The following DOCK4 variants were observed in gnomAD, a reference collection of about 807,000 sequenced individuals.
DOCK4 encodes the protein dedicator of cytokinesis 4, also known as dedicator of cytokinesis protein 4.
Under a neutral mutation model 268.1 loss-of-function variants are expected in DOCK4, and 97 were observed. The ratio of observed to expected loss-of-function variants is 0.36; its 90% CI spans 0.31 to 0.43. DOCK4 has a LOEUF of 0.43. Among genes scored for constraint, DOCK4 ranks in the 20% least tolerant of loss-of-function variants. The pLI is 1.00. For missense variants in DOCK4, 2,145 were observed against 2,455.7 expected, an observed-to-expected ratio of 0.87 and a Z score of 2.67; for synonymous variants, 954 against 887.2, an observed-to-expected ratio of 1.08 and a Z score of -1.34.
chr7:111,915,904 C>A lies in DOCK4; in HGVS notation c.1067G>T (p.Gly356Val). The A allele has an allele frequency of 6.2e-7, 1 of 1,609,932 alleles. No individual in the cohort carries two copies. The highest frequency in any genetic ancestry group is 8.5e-7 in the Non-Finnish European group (1 of 1,178,212). Residue 356 changes from glycine to valine, a missense_variant and splice_region_variant, in exon 13 of 53, where the codon GGT becomes GTT. Gly to Val is a moderately radical substitution (Grantham distance 109, BLOSUM62 -3). Coordinates refer to ENST00000428084, the MANE Select transcript of DOCK4 (RefSeq NM_001363540.2). ...CAATAGCTGTAAGGAAACTGCTAAA[C>A]CTAAAACAGATGAGAGATACCCGAG... is the stretch of plus-strand genomic sequence containing the variant. ...ARYNLTGSNA[G>V]LAVSLQLLHG... is the part of the protein sequence containing the mutation.
chr7:112,128,418 GC>G (rs1813457968), intron 1 of DOCK4, among the ~76,000 whole-genome samples: 1 of 152,184 alleles, frequency 6.6e-6, no homozygotes, highest in African/African-American at 2.4e-5. Context: ...TGGGAGGTGT[GC>G]CCAACAGCTC....
chr7:111,970,494 A>G (rs1451107327), intron 8 of DOCK4, among the ~76,000 whole-genome samples: 1 of 152,196 alleles, frequency 6.6e-6, no homozygotes, highest in African/African-American at 2.4e-5. Flanking sequence ...AATGAATGTA[A>G]TAAAATTACA....
At chr7:112,145,964 T>C (rs1177577723) in intron 1 of DOCK4, among the ~76,000 whole-genome samples, 1 of 152,186 alleles carries the variant, frequency 6.6e-6, no homozygotes, top group Non-Finnish European at 1.5e-5. Context: ...ATATGTTTGT[T>C]TGTGATATAG....
chr7:112,180,948 A>G (rs75190513), intron 1 of DOCK4, among the ~76,000 whole-genome samples: 5,481 of 152,258 alleles, frequency 0.036, 325 homozygotes, highest in African/African-American at 0.12. Context: ...TTTGGAAGAC[A>G]TTTCTTAATT....
chr7:111,867,983 C>A lies in DOCK4; in HGVS notation c.2280+1G>T. The A allele has an allele frequency of 1.3e-6, 2 of 1,589,536 alleles. No homozygotes were observed. Among genetic ancestry groups the A allele is most frequent in the Non-Finnish European group, 1.7e-6 (2 of 1,170,400 alleles). ...ATTCAGCATAGATGAAAAGAAATTACCTGTGACTGAGATAATGCTCCAGAC... is the reference window on the plus strand; with the variant it reads ...ATTCAGCATAGATGAAAAGAAATTAACTGTGACTGAGATAATGCTCCAGAC... On this transcript the variant is annotated splice_donor_variant, in intron 22 of 52. Transcript: ENST00000428084. LOFTEE classifies it high-confidence loss of function.
chr7:111,920,398 T>C (rs576206814), intron 12 of DOCK4, among the ~76,000 whole-genome samples: 2 of 152,306 alleles, frequency 1.3e-5, no homozygotes, highest in South Asian at 2.1e-4. Flanking sequence ...GCCATAAATA[T>C]GTACAATTTT....
In DOCK4 at chr7:111,735,076, G is replaced by T; in HGVS notation, c.5397C>A (p.Val1799=). ...SDSGKLISPP[V]PPRPTQTASP... ...CACCAGTCTGTGTGGGTCTTGGAGGGACAGGGGGAGAGATAAGTTTCCCAC... is the reference window on the plus strand; with the variant it reads ...CACCAGTCTGTGTGGGTCTTGGAGGTACAGGGGGAGAGATAAGTTTCCCAC... The change falls in exon 51 of 53, where the codon GTC becomes GTA. Residue 1799 remains valine (V), a synonymous_variant. Transcript: ENST00000428084. 6.3e-7 allele frequency: 1 copy of T among 1,596,190 alleles called. No homozygotes were observed. The highest frequency in any genetic ancestry group is 2.2e-5 in the East Asian group (1 of 44,450).
intron 44 of DOCK4, 125 bp downstream of exon 44, chr7:111,746,209 A>G: frequency 1.5e-6 from 1 of 669,690 alleles, no homozygotes; most frequent in Non-Finnish European, 2.5e-6. Flanking sequence ...TATTACAGGA[A>G]TCTGTCACCC....
intron 1 of DOCK4, among the ~76,000 whole-genome samples, chr7:112,116,100 T>G (rs1812137119): frequency 6.6e-6 from 1 of 152,132 alleles, no homozygotes; most frequent in Non-Finnish European, 1.5e-5. Flanking sequence ...CATCATCTAG[T>G]TCTAAAACTT....
intron 1 of DOCK4, among the ~76,000 whole-genome samples, chr7:112,128,304 G>GT: frequency 6.6e-6 from 1 of 151,482 alleles, no homozygotes; most frequent in African/African-American, 2.4e-5. Context: ...GGGGGGGTCA[G>GT]CCCCCTGCCC....
At chr7:111,959,296 C>T (rs745310217) in intron 8 of DOCK4, among the ~76,000 whole-genome samples, 3 of 152,126 alleles carry the variant, frequency 2.0e-5, no homozygotes, top group Non-Finnish European at 4.4e-5. Context: ...CAAAGTTGTA[C>T]TCCCTGCACG....
chr7:111,818,522 G>T (rs1006126290), intron 27 of DOCK4, among the ~76,000 whole-genome samples: 1 of 152,132 alleles, frequency 6.6e-6, no homozygotes, highest in Non-Finnish European at 1.5e-5. Flanking sequence ...CCAGTCACTT[G>T]CAAGTCTTAT....
chr7:111,930,210 T>C (rs138170413), intron 12 of DOCK4, among the ~76,000 whole-genome samples: 187 of 152,346 alleles, frequency 1.2e-3, no homozygotes, highest in Non-Finnish European at 1.7e-3. Flanking sequence ...TGTGAAGATA[T>C]AGTAATTCAA....
intron 8 of DOCK4, among the ~76,000 whole-genome samples, chr7:111,963,228 T>A (rs1797075095): frequency 6.6e-6 from 1 of 151,822 alleles, no homozygotes; most frequent in Non-Finnish European, 1.5e-5. Context: ...TAGGAACAGC[T>A]CCGGACTACA....
chr7:112,084,116 AGACAGGCCTGCAG>A (rs1808841239), intron 1 of DOCK4, among the ~76,000 whole-genome samples: 1 of 152,194 alleles, frequency 6.6e-6, no homozygotes, highest in Non-Finnish European at 1.5e-5. Flanking sequence ...ACCTAAACCC[AGACAGGCCTGCAG>A]CATGAAGTAG....
At chr7:111,844,952 A>G (rs1168837698) in intron 24 of DOCK4, 55 bp from the exon 25 acceptor site, 4 of 1,552,874 alleles carry the variant, frequency 2.6e-6, no homozygotes, top group Non-Finnish European at 3.5e-6. Flanking sequence ...ATGCATTTCA[A>G]TCTAACAGAA....
intron 13 of DOCK4, among the ~76,000 whole-genome samples, chr7:111,907,590 CTG>C (rs1418438536): frequency 1.3e-5 from 2 of 152,172 alleles, no homozygotes; most frequent in Non-Finnish European, 2.9e-5. Context: ...TCTTCAGTCA[CTG>C]TGGCATTCAT....
At chr7:112,133,128 A>G (rs1813959813) in intron 1 of DOCK4, among the ~76,000 whole-genome samples, 1 of 152,192 alleles carries the variant, frequency 6.6e-6, no homozygotes, top group South Asian at 2.1e-4. Flanking sequence ...GAATAGGGAT[A>G]CAGGTCATAC....
At chr7:111,757,006 C>G (rs12705799) in intron 41 of DOCK4, among the ~76,000 whole-genome samples, 5,215 of 152,022 alleles carry the variant, frequency 0.034, 119 homozygotes, top group Middle Eastern at 0.065. Context: ...GAGCTGCATT[C>G]TGAGGAGTGA....
Sources: allele counts gnomAD v4.1 joint callset (sites outside exome capture counted in the v4.1 genomes callset), GRCh38; gene constraint gnomAD v4.1.1; transcripts MANE v1.5; gene names NCBI Gene and HGNC (gene_info 2026-07-23, HGNC 2026-07-21).